TEKT5: variants seen among roughly 807,000 people sequenced by gnomAD.
TEKT5 encodes the protein tektin-5.
TEKT5 carries 52 observed loss-of-function variants against 48.7 expected under a neutral mutation model. That is an observed-to-expected ratio of 1.07 (90% CI 0.86 to 1.35). TEKT5 has a LOEUF of 1.35. Ranked by LOEUF, TEKT5 falls within the 40% of genes most tolerant of loss-of-function variation. The probability of loss-of-function intolerance (pLI) is 0.00; values close to 1 mark genes in which losing one functional copy is unlikely to be tolerated. For missense variants in TEKT5, 831 were observed against 641.6 expected, an observed-to-expected ratio of 1.30 and a Z score of -3.19; for synonymous variants, 318 against 267.6, an observed-to-expected ratio of 1.19 and a Z score of -1.84.
intron 3 of TEKT5, 120 bp downstream of exon 3, chr16:10,689,133 T>C (rs980514945): frequency 1.4e-6 from 1 of 696,910 alleles, no homozygotes; most frequent in South Asian, 1.9e-5. Context: ...TTTACCAGCA[T>C]ACCACTGACC....
rs1173811476 is a variant in TEKT5 at position 10,689,983 on chromosome 16, T to C, written c.607A>G (p.Ile203Val). 3.1e-6 allele frequency: 5 copies of C among 1,613,804 alleles called. No individual in the cohort carries two copies. In the East Asian group the frequency reaches 8.9e-5, roughly 29 times the overall value. The change falls in exon 2 of 7, where the codon ATT (isoleucine) becomes GTT (valine). Residue 203 changes from isoleucine (I) to valine (V), a missense_variant. Ile to Val is a conservative substitution (Grantham distance 29, BLOSUM62 3). Coordinates refer to ENST00000283025, the MANE Select transcript of TEKT5 (RefSeq NM_144674.2). The part of the protein sequence containing the change: ...CLYHREKRIG[I>V]DLVHDNVEKN... Reference sequence around the variant, plus strand: ...TCCACGTTGTCATGGACCAAATCAATCCCAATCCTCTTCTCTCGATGGTAC... The same window carrying C: ...TCCACGTTGTCATGGACCAAATCAACCCCAATCCTCTTCTCTCGATGGTAC...
intron 5 of TEKT5, among the ~76,000 whole-genome samples, chr16:10,659,498 G>A (rs1255791057): frequency 1.3e-5 from 2 of 152,086 alleles, no homozygotes; most frequent in African/African-American, 4.8e-5. Context: ...TCCTGCCTCA[G>A]CCTCCCGAGT....
At chr16:10,668,083 T>C (rs907022161) in intron 5 of TEKT5, among the ~76,000 whole-genome samples, 2 of 152,192 alleles carry the variant, frequency 1.3e-5, no homozygotes, top group African/African-American at 4.8e-5. Context: ...TTCACCATGT[T>C]GGCCAGGCTT....
At chr16:10,631,767 C>A (rs755976079) in intron 6 of TEKT5, among the ~76,000 whole-genome samples, 1 of 152,078 alleles carries the variant, frequency 6.6e-6, no homozygotes, top group African/African-American at 2.4e-5. Flanking sequence ...AGCTGAGGGA[C>A]GCCAAGGATT....
rs1411381354 is a variant in TEKT5, at chr16:10,652,864, C to A, written c.1087-16946G>T. Among the ~76,000 whole-genome samples the A allele has an allele frequency of 4.1e-5, 6 of 147,310 alleles. 1 individual carries two copies. Among genetic ancestry groups the A allele is most frequent in the African/African-American group, 1.0e-4 (4 of 39,798 alleles). On this transcript the variant is annotated intron_variant, in intron 5 of 6. Coordinates refer to ENST00000283025, the MANE Select transcript of TEKT5 (RefSeq NM_144674.2). ...ACACACACACACACACACACACACA[C>A]ACACACCCTCCAGGTCAGGTAGAGC... is the stretch of plus-strand genomic sequence containing the variant.
chr16:10,689,077 T>G (rs1430322308), intron 3 of TEKT5, among the ~76,000 whole-genome samples, 176 bp downstream of exon 3: 1 of 151,956 alleles, frequency 6.6e-6, no homozygotes, highest in African/African-American at 2.4e-5. Flanking sequence ...GCAGATACTA[T>G]GATCAGGACT....
chr16:10,673,520 T>G (rs185616206), intron 5 of TEKT5, among the ~76,000 whole-genome samples: 5 of 152,194 alleles, frequency 3.3e-5, no homozygotes, highest in Non-Finnish European at 5.9e-5. Context: ...CGATGCCAAC[T>G]TTGCCTTCTC....
intron 5 of TEKT5, among the ~76,000 whole-genome samples, chr16:10,659,269 C>G (rs1170637049): frequency 6.6e-6 from 1 of 152,250 alleles, no homozygotes; most frequent in African/African-American, 2.4e-5. Context: ...TCAAATATCA[C>G]ATGTACCTGA....
intron 3 of TEKT5, among the ~76,000 whole-genome samples, chr16:10,682,448 C>A (rs560716901): frequency 2.6e-5 from 4 of 152,338 alleles, no homozygotes; most frequent in Non-Finnish European, 5.9e-5. Flanking sequence ...CCACCTCAGC[C>A]TCCTGAGTAG....
At chr16:10,657,228 C>G (rs1190449687) in intron 5 of TEKT5, among the ~76,000 whole-genome samples, 1 of 151,094 alleles carries the variant, frequency 6.6e-6, no homozygotes, top group Admixed American at 6.6e-5. Context: ...CAGGTTCAAG[C>G]GATTCTCCTG....
Position 10,634,799 on chromosome 16 carries a change from A to T in TEKT5, c.1241+965T>A, listed in dbSNP as rs1897890352. On this transcript the variant is annotated intron_variant, in intron 6 of 6. Transcript: ENST00000283025. ...GGCTGCCAGCCAACAGCCAGCAAAG[A>T]ACTGAGTTCTACCAACAAGCATGGG... Among the ~76,000 whole-genome samples the T allele has an allele frequency of 2.0e-5, 3 of 152,124 alleles. No individual in the cohort carries two copies. The South Asian group carries it at 6.2e-4, about 32-fold the overall frequency.
chr16:10,679,454 TAAA>T (rs60522817), intron 4 of TEKT5, among the ~76,000 whole-genome samples: 2 of 120,224 alleles, frequency 1.7e-5, no homozygotes, highest in Admixed American at 8.6e-5. Context: ...AGACTCTGTC[TAAA>T]AAAAAAAAAA....
At chr16:10,628,896 ACT>A (rs1452429676) in intron 6 of TEKT5, among the ~76,000 whole-genome samples, 8 of 143,046 alleles carry the variant, frequency 5.6e-5, no homozygotes, top group East Asian at 2.0e-4. Context: ...CCTGAGCGAA[ACT>A]CTGTCTCAAA....
chr16:10,642,855 T>C (rs1047273842), intron 5 of TEKT5, among the ~76,000 whole-genome samples: 3 of 151,856 alleles, frequency 2.0e-5, no homozygotes, highest in African/African-American at 7.3e-5. Context: ...GGGTGGGGGA[T>C]AGAGAGTGAG....
At chr16:10,647,471 CAAAA>C (rs35976644) in intron 5 of TEKT5, among the ~76,000 whole-genome samples, 3 of 114,250 alleles carry the variant, frequency 2.6e-5, no homozygotes, top group Non-Finnish European at 3.9e-5. Flanking sequence ...GACCCTGTCT[CAAAA>C]AAAAAAAAAA....
chr16:10,681,966 G>C (rs1282921237), intron 4 of TEKT5, 27 bp downstream of exon 4: 2 of 1,610,906 alleles, frequency 1.2e-6, no homozygotes, highest in Admixed American at 1.7e-5. Context: ...ACACGCCAGG[G>C]ATGGGGAGGG....
chr16:10,634,307 G>A (rs1897882371), intron 6 of TEKT5, among the ~76,000 whole-genome samples: 1 of 152,172 alleles, frequency 6.6e-6, no homozygotes, highest in Non-Finnish European at 1.5e-5. Flanking sequence ...TGTAGGCTAG[G>A]GCTGAAATAA....
In TEKT5 at chr16:10,676,153, A is replaced by G. The variant is rs767242991; in HGVS notation, c.892T>C (p.Phe298Leu). Residue 298 changes from phenylalanine to leucine, a missense_variant, in exon 5 of 7, where the codon TTC becomes CTC. By Grantham distance (22) the Phe-to-Leu change is conservative. Transcript: ENST00000283025. Reference sequence around the variant, plus strand: ...GAGTGTTTGATGTTGTCGTTACTGAACTTGGCCCAGGTCTCAGGTACGGAG... The same window carrying G: ...GAGTGTTTGATGTTGTCGTTACTGAGCTTGGCCCAGGTCTCAGGTACGGAG... ...TISVPETWAK[F>L]SNDNIKHSQN... 8.7e-6 allele frequency: 14 copies of G among 1,614,198 alleles called. No individual in the cohort carries two copies. The highest frequency in any genetic ancestry group is 1.1e-5 in the Non-Finnish European group (13 of 1,180,036).
chr16:10,686,761 A>T (rs958600746), intron 3 of TEKT5, among the ~76,000 whole-genome samples: 5 of 152,248 alleles, frequency 3.3e-5, no homozygotes. Flanking sequence ...CAATAGCAAG[A>T]AAACAACCCA....
Sources: gnomAD v4.1 joint callset for allele counts (sites outside exome capture counted in the v4.1 genomes callset) on GRCh38, gnomAD v4.1.1 for gene constraint, MANE v1.5 for transcripts, NCBI Gene and HGNC (gene_info 2026-07-23, HGNC 2026-07-21) for gene names.